The following DOK6 variants were observed in gnomAD, a reference collection of about 807,000 sequenced individuals.
The protein encoded by DOK6 is downstream of tyrosine kinase 6.
A neutral mutation model predicts 44.0 loss-of-function variants in DOK6; 22 were observed. The ratio of observed to expected loss-of-function variants is 0.50; its 90% CI spans 0.36 to 0.71. DOK6 has a LOEUF of 0.71. Ranked by LOEUF, DOK6 falls within the 30% of genes least tolerant of loss-of-function variation. The probability of loss-of-function intolerance (pLI) is 0.00; values close to 1 mark genes in which losing one functional copy is unlikely to be tolerated. For synonymous variants in DOK6, 166 were observed against 145.5 expected, an observed-to-expected ratio of 1.14 and a Z score of -1.01; for missense variants, 340 against 416.4, an observed-to-expected ratio of 0.82 and a Z score of 1.60.
At chr18:69,784,768 T>A (rs930206724) in intron 7 of DOK6, among the ~76,000 whole-genome samples, 2 of 152,198 alleles carry the variant, frequency 1.3e-5, no homozygotes, top group Non-Finnish European at 2.9e-5. Context: ...TATAAGATTT[T>A]CACACTGTGT....
rs190703129 is a variant in DOK6 at position 69,600,566 on chromosome 18, A to T, written c.289+1068A>T. ...CCCCTGTCCCAACCTTGCTGGTGTA[A>T]TATAATATCATCCAATGATTTTTCT... On this transcript the variant is annotated intron_variant, in intron 3 of 7. Coordinates refer to ENST00000382713, the MANE Select transcript of DOK6 (RefSeq NM_152721.6). Among the ~76,000 whole-genome samples, 354 of 152,230 alleles carry T rather than the reference A, an allele frequency of 2.3e-3. 1 individual carries two copies. The highest frequency in any genetic ancestry group is 8.1e-3 in the African/African-American group (337 of 41,536).
intron 7 of DOK6, among the ~76,000 whole-genome samples, chr18:69,815,676 T>A (rs998070155): frequency 6.6e-6 from 1 of 152,182 alleles, no homozygotes; most frequent in Non-Finnish European, 1.5e-5. Flanking sequence ...TGTGTGAAAT[T>A]ACTTATATTT....
intron 5 of DOK6, among the ~76,000 whole-genome samples, chr18:69,711,334 G>T (rs567950653): frequency 6.6e-6 from 1 of 152,212 alleles, no homozygotes; most frequent in African/African-American, 2.4e-5. Context: ...TTTTAATGAC[G>T]AACGAGGTAA....
intron 1 of DOK6, among the ~76,000 whole-genome samples, chr18:69,534,349 G>A (rs1982063408): frequency 1.3e-5 from 2 of 152,102 alleles, no homozygotes; most frequent in Non-Finnish European, 1.5e-5. Flanking sequence ...TATTTTAGAA[G>A]CTGACAACTT....
chr18:69,603,067 A>T (rs1343981307), intron 3 of DOK6, among the ~76,000 whole-genome samples: 2 of 152,238 alleles, frequency 1.3e-5, no homozygotes, highest in Non-Finnish European at 2.9e-5. Flanking sequence ...GTATTGTGAG[A>T]GTCCCATTTT....
intron 3 of DOK6, among the ~76,000 whole-genome samples, chr18:69,636,670 G>T (rs1411129290): frequency 6.6e-6 from 1 of 152,170 alleles, no homozygotes; most frequent in African/African-American, 2.4e-5. Context: ...ATCTGCTTAT[G>T]TTCCCTCTCA....
intron 2 of DOK6, among the ~76,000 whole-genome samples, chr18:69,569,675 TA>T (rs1189328643): frequency 6.6e-6 from 1 of 152,160 alleles, no homozygotes; most frequent in Non-Finnish European, 1.5e-5. Flanking sequence ...CTTTTAATTT[TA>T]AAAAAAGTAT....
At chr18:69,545,180 A>G (rs2144583916) in intron 1 of DOK6, among the ~76,000 whole-genome samples, 1 of 151,240 alleles carries the variant, frequency 6.6e-6, no homozygotes, top group East Asian at 1.9e-4. Flanking sequence ...GTTCTTGAGC[A>G]AAAACAAAGG....
chr18:69,520,844 T>C (rs981192182), intron 1 of DOK6, among the ~76,000 whole-genome samples: 2 of 151,914 alleles, frequency 1.3e-5, no homozygotes, highest in African/African-American at 4.8e-5. Context: ...TTCAATTCAA[T>C]TCAATTCAGT....
At chr18:69,821,750 AT>A (rs1482301887) in intron 7 of DOK6, among the ~76,000 whole-genome samples, 5 of 147,366 alleles carry the variant, frequency 3.4e-5, no homozygotes, top group Non-Finnish European at 6.0e-5. Flanking sequence ...GAGCTCTCTG[AT>A]TTTTTTCCAT....
At chr18:69,747,381 G>T (rs1979019728) in intron 6 of DOK6, among the ~76,000 whole-genome samples, 1 of 152,130 alleles carries the variant, frequency 6.6e-6, no homozygotes. Context: ...GGGAAGAAAA[G>T]CCTCAAATCA....
At chr18:69,423,811 T>C (rs1397529828) in intron 1 of DOK6, among the ~76,000 whole-genome samples, 1 of 152,240 alleles carries the variant, frequency 6.6e-6, no homozygotes, top group Non-Finnish European at 1.5e-5. Flanking sequence ...TAATTTGCTG[T>C]GTTTCAGATT....
At chr18:69,550,166 T>TGCATA (rs1982523325) in intron 1 of DOK6, among the ~76,000 whole-genome samples, 1 of 143,454 alleles carries the variant, frequency 7.0e-6, no homozygotes, top group Admixed American at 6.9e-5. Flanking sequence ...AGTTTTAAAA[T>TGCATA]TCAACCTCTT....
intron 7 of DOK6, among the ~76,000 whole-genome samples, chr18:69,761,911 T>C (rs1264314989): frequency 6.6e-6 from 1 of 152,114 alleles, no homozygotes; most frequent in East Asian, 1.9e-4. Context: ...CCTCAGTCCT[T>C]GTCTCTTCAG....
intron 3 of DOK6, among the ~76,000 whole-genome samples, chr18:69,617,733 G>GAAAGAAA (rs1568312831): frequency 1.1e-4 from 5 of 45,316 alleles, no homozygotes; most frequent in South Asian, 1.2e-3. Context: ...GAAAAAAGGG[G>GAAAGAAA]GAAGGAGGGA....
In DOK6 at chr18:69,845,374, C is replaced by A. The variant is rs1982324166; in HGVS notation, c.*3991C>A. 1 of 152,178 alleles carries A rather than the reference C, an allele frequency of 6.6e-6. No homozygotes were observed. 9.4% of individuals were successfully genotyped at this position (152,178 alleles called of 1,614,324 possible). On this transcript the variant is annotated 3_prime_UTR_variant, in exon 8 of 8. Coordinates refer to ENST00000382713, the MANE Select transcript of DOK6 (RefSeq NM_152721.6). ...AATCCTGTGATCATGTCTGTAAATA[C>A]CTTGCAATTTCAAATTACTTCATCC... is the stretch of plus-strand genomic sequence containing the variant.
chr18:69,486,647 A>G (rs1980584271), intron 1 of DOK6, among the ~76,000 whole-genome samples: 1 of 152,204 alleles, frequency 6.6e-6, no homozygotes, highest in Non-Finnish European at 1.5e-5. Flanking sequence ...ATTCAAATCT[A>G]TCAAGTGAAA....
At chr18:69,785,485 A>T (rs1980402934) in intron 7 of DOK6, among the ~76,000 whole-genome samples, 1 of 152,212 alleles carries the variant, frequency 6.6e-6, no homozygotes, top group Admixed American at 6.5e-5. Flanking sequence ...GTTTAACAAT[A>T]AAAAGGGATA....
intron 7 of DOK6, among the ~76,000 whole-genome samples, chr18:69,838,793 T>TC (rs548648063): frequency 1.7e-5 from 1 of 57,320 alleles, no homozygotes; most frequent in Non-Finnish European, 3.4e-5. Flanking sequence ...CCCCAGCTCC[T>TC]CCCCCTTCCC....
Sources: allele counts gnomAD v4.1 joint callset (sites outside exome capture counted in the v4.1 genomes callset), GRCh38; gene constraint gnomAD v4.1.1; transcripts MANE v1.5; gene names NCBI Gene and HGNC (gene_info 2026-07-23, HGNC 2026-07-21).